CNOT10: variants seen among roughly 807,000 people sequenced by gnomAD.
CNOT10 encodes the protein CCR4-NOT transcription complex, subunit 10.
CNOT10 carries 30 observed loss-of-function variants against 94.6 expected under a neutral mutation model. The observed-to-expected ratio is 0.32, with a 90% CI of 0.24 to 0.43. CNOT10 has a LOEUF of 0.43. CNOT10 is among the 20% of genes least tolerant of loss of function. The probability of loss-of-function intolerance (pLI) is 1.00; values close to 1 mark genes in which losing one functional copy is unlikely to be tolerated. For synonymous variants in CNOT10, 289 were observed against 301.6 expected, an observed-to-expected ratio of 0.96 and a Z score of 0.43; for missense variants, 759 against 877.2, an observed-to-expected ratio of 0.87 and a Z score of 1.70.
intron 13 of CNOT10, among the ~76,000 whole-genome samples, chr3:32,747,329 A>G (rs1175811186): frequency 1.3e-5 from 2 of 152,046 alleles, no homozygotes; most frequent in Non-Finnish European, 2.9e-5. Context: ...AAGCAGGAGA[A>G]TCGCTTGAAC....
At chr3:32,690,193 T>C (rs1393894246) in intron 1 of CNOT10, among the ~76,000 whole-genome samples, 2 of 152,190 alleles carry the variant, frequency 1.3e-5, no homozygotes, top group African/African-American at 4.8e-5. Context: ...AGTAGGGGCT[T>C]TGAAATCAGA....
intron 13 of CNOT10, among the ~76,000 whole-genome samples, chr3:32,741,308 C>A (rs1339317350): frequency 7.2e-6 from 1 of 139,462 alleles, no homozygotes; most frequent in Non-Finnish European, 1.5e-5. Flanking sequence ...TCAGTTTAAT[C>A]ATTCACCTTT....
intron 12 of CNOT10, among the ~76,000 whole-genome samples, chr3:32,735,748 C>T (rs1699160511): frequency 6.6e-6 from 1 of 152,084 alleles, no homozygotes; most frequent in Non-Finnish European, 1.5e-5. Context: ...CACTTGACTC[C>T]TAAAGCTGCT....
At chr3:32,689,941 C>T (rs534862112) in intron 1 of CNOT10, among the ~76,000 whole-genome samples, 3 of 152,156 alleles carry the variant, frequency 2.0e-5, no homozygotes, top group East Asian at 1.9e-4. Context: ...GGTGACAGTG[C>T]GACCCTGTCT....
intron 5 of CNOT10, among the ~76,000 whole-genome samples, chr3:32,713,582 C>T (rs1697982619): frequency 6.6e-6 from 1 of 152,120 alleles, no homozygotes; most frequent in African/African-American, 2.4e-5. Flanking sequence ...ATTTGTACAA[C>T]CATTACTACT....
At chr3:32,738,926 T>C (rs2125588211) in intron 13 of CNOT10, among the ~76,000 whole-genome samples, 1 of 149,690 alleles carries the variant, frequency 6.7e-6, no homozygotes, top group African/African-American at 2.5e-5. Context: ...TTTTTTTGAG[T>C]TGGAGTTTTA....
At chr3:32,690,659 G>C (rs1696809929) in intron 1 of CNOT10, among the ~76,000 whole-genome samples, 1 of 151,630 alleles carries the variant, frequency 6.6e-6, no homozygotes, top group Non-Finnish European at 1.5e-5. Flanking sequence ...CCATTCTCCT[G>C]CCTCAGCCTC....
At chr3:32,687,067 A>G (rs1234290214) in intron 1 of CNOT10, among the ~76,000 whole-genome samples, 1 of 152,168 alleles carries the variant, frequency 6.6e-6, no homozygotes, top group Non-Finnish European at 1.5e-5. Context: ...GTTTAAGTTT[A>G]TAGGCCATAT....
intron 1 of CNOT10, among the ~76,000 whole-genome samples, chr3:32,691,013 T>TTTTTA (rs1696826150): frequency 6.6e-6 from 1 of 150,488 alleles, no homozygotes. Flanking sequence ...TTTTTTTTTT[T>TTTTTA]GAGATGGAGT....
chr3:32,735,024 C>G lies in CNOT10; in HGVS notation c.1514+48C>G, dbSNP rs1438373090. On this transcript the variant is annotated intron_variant, in intron 12 of 18. Coordinates refer to ENST00000328834, the MANE Select transcript of CNOT10 (RefSeq NM_015442.3). Reference sequence around the variant, plus strand: ...CTTTGGCAAAATCCTTTCAGGACTTCTTTAGTAAACCCTTTGTTCTTTAAG... The same window carrying G: ...CTTTGGCAAAATCCTTTCAGGACTTGTTTAGTAAACCCTTTGTTCTTTAAG... 3 of 1,478,528 alleles carry G rather than the reference C, an allele frequency of 2.0e-6. No homozygotes were observed. The East Asian group carries it at 6.8e-5, about 34-fold the overall frequency. 91.6% of individuals were successfully genotyped at this position (1,478,528 alleles called of 1,614,324 possible).
In CNOT10 at chr3:32,713,384, G is replaced by A. The variant is rs1176463734; in HGVS notation, c.573+15G>A. The A allele has an allele frequency of 1.9e-6, 3 of 1,566,658 alleles. No individual in the cohort carries two copies. Among genetic ancestry groups the A allele is most frequent in the Non-Finnish European group, 2.6e-6 (3 of 1,163,192 alleles). ...GAAAGAATGAGGTGAGTCTTTAGAG[G>A]TGATCAGACTAAAATCTAAAATGTG... On this transcript the variant is annotated intron_variant, in intron 5 of 18. Transcript: ENST00000328834.
At chr3:32,701,498 A>T (rs542068074) in intron 1 of CNOT10, among the ~76,000 whole-genome samples, 1 of 152,070 alleles carries the variant, frequency 6.6e-6, no homozygotes, top group Non-Finnish European at 1.5e-5. Context: ...TAAATCCCCA[A>T]TGTTAGGGGA....
At chr3:32,692,271 T>C (rs1696885320) in intron 1 of CNOT10, among the ~76,000 whole-genome samples, 1 of 152,040 alleles carries the variant, frequency 6.6e-6, no homozygotes, top group South Asian at 2.1e-4. Flanking sequence ...TTTTAAAAAT[T>C]TATTTGTAGG....
At chr3:32,697,277 A>C (rs1697118143) in intron 1 of CNOT10, among the ~76,000 whole-genome samples, 1 of 152,110 alleles carries the variant, frequency 6.6e-6, no homozygotes, top group Non-Finnish European at 1.5e-5. Context: ...GGGGTTGCTA[A>C]CAGCAGTGGC....
chr3:32,740,934 G>A (rs561933757), intron 13 of CNOT10, among the ~76,000 whole-genome samples: 1 of 151,618 alleles, frequency 6.6e-6, no homozygotes, highest in East Asian at 1.9e-4. Flanking sequence ...TCAAACTTCT[G>A]GCCTCAAGCA....
chr3:32,703,806 A>T (rs1458619378), intron 1 of CNOT10, 62 bp from the exon 2 acceptor site: 2 of 1,125,310 alleles, frequency 1.8e-6, no homozygotes, highest in Non-Finnish European at 2.7e-6. Context: ...GTGAAACTGG[A>T]TAAGGAGGGA....
intron 5 of CNOT10, among the ~76,000 whole-genome samples, chr3:32,714,292 T>C (rs1025045019): frequency 6.6e-6 from 1 of 151,886 alleles, no homozygotes; most frequent in African/African-American, 2.4e-5. Context: ...CATCTTTTCA[T>C]ATATGAGCTA....
chr3:32,762,909 C>G (rs1192602774), intron 15 of CNOT10, 46 bp downstream of exon 15: 1 of 1,457,972 alleles, frequency 6.9e-7, no homozygotes. Context: ...GTTTCCATTT[C>G]CCTCCTGTCA....
chr3:32,741,191 ATTT>A (rs1352126906), intron 13 of CNOT10, among the ~76,000 whole-genome samples: 1 of 152,014 alleles, frequency 6.6e-6, no homozygotes, highest in Admixed American at 6.6e-5. Flanking sequence ...TTTGGGATTG[ATTT>A]TTTTCATTCA....
Sources: allele counts gnomAD v4.1 joint callset (sites outside exome capture counted in the v4.1 genomes callset), GRCh38; gene constraint gnomAD v4.1.1; transcripts MANE v1.5; gene names NCBI Gene and HGNC (gene_info 2026-07-23, HGNC 2026-07-21).